SCNN1D: variants seen among roughly 807,000 people sequenced by gnomAD.
SCNN1D encodes the protein sodium channel epithelial 1 subunit delta.
A neutral mutation model predicts 87.8 loss-of-function variants in SCNN1D; 104 were observed. The ratio of observed to expected loss-of-function variants is 1.18; its 90% CI spans 1.01 to 1.39. The LOEUF (loss-of-function observed/expected upper bound fraction) is 1.39, where lower values mean the gene tolerates loss of function less well. Ranked by LOEUF, SCNN1D falls within the 40% of genes most tolerant of loss-of-function variation. The probability of loss-of-function intolerance (pLI) is 0.00; values close to 1 mark genes in which losing one functional copy is unlikely to be tolerated. For missense variants in SCNN1D, 1,324 were observed against 1,093.9 expected (o/e 1.21, Z -2.97); for synonymous variants, 628 against 481.2 (o/e 1.31, Z -3.99).
rs547492499 is a variant in SCNN1D at position 1,291,723 on chromosome 1, C to T, written c.*113C>T. On this transcript the variant is annotated 3_prime_UTR_variant, in exon 18 of 18. Coordinates refer to ENST00000379116, the MANE Select transcript of SCNN1D (RefSeq NM_001130413.4). ...GACCAGCAGCCCAGGAAGCAGCACA[C>T]GCGGCCGTGGGGAGGCAGGCACCGG... 3.6e-5 allele frequency: 27 copies of T among 746,872 alleles called. No individual in the cohort carries two copies. The East Asian group carries it at 5.8e-4, about 16-fold the overall frequency. The allele number at this position is 746,872 out of a possible 1,614,324, so 46.3% of individuals were successfully genotyped here.
chr1:1,288,654 T>C (rs1340159724), intron 12 of SCNN1D, among the ~76,000 whole-genome samples: 87 of 104,170 alleles, frequency 8.4e-4, no homozygotes, highest in Middle Eastern at 9.0e-3. Flanking sequence ...GTCCCGTGTC[T>C]CTGCTCCGTC....
rs921632778 is a variant in SCNN1D at position 1,290,396 on chromosome 1, C to A, written c.1780+8C>A. The A allele has an allele frequency of 2.5e-6, 4 of 1,606,482 alleles. No homozygotes were observed. The highest frequency in any genetic ancestry group is 3.4e-6 in the Non-Finnish European group (4 of 1,176,046). ...CCCGGCACCCTGCCTGGGGTGAGTCCTGCTCGCTGCCTCCCACTCTGTCAG... is the reference window on the plus strand; with the variant it reads ...CCCGGCACCCTGCCTGGGGTGAGTCATGCTCGCTGCCTCCCACTCTGTCAG... On this transcript the variant is annotated splice_region_variant and intron_variant, in intron 13 of 17. Coordinates refer to ENST00000379116, the MANE Select transcript of SCNN1D (RefSeq NM_001130413.4).
chr1:1,281,164 G>T, intron 1 of SCNN1D, 62 bp from the exon 2 acceptor site: 21 of 1,456,178 alleles, frequency 1.4e-5, no homozygotes, highest in Non-Finnish European at 1.8e-5. Flanking sequence ...GGAGGAAACG[G>T]GGCTCTGGGA....
chr1:1,291,208 G>A lies in SCNN1D; in HGVS notation c.2053-46G>A, dbSNP rs779451124. ...CAGTGGCTGGCCCTGCACAGAAGGG[G>A]CACGGGGGCCTGGGCCCGCCCCTCA... is the stretch of plus-strand genomic sequence containing the variant. On this transcript the variant is annotated intron_variant, in intron 17 of 17. Transcript: ENST00000379116. 3.8e-6 allele frequency: 6 copies of A among 1,579,572 alleles called. No homozygotes were observed. In the African/African-American group the frequency reaches 5.4e-5, roughly 14 times the overall value.
In SCNN1D at chr1:1,286,771, G is replaced by A. The variant is rs370020289; in HGVS notation, c.915G>A (p.Pro305=). Residue 305 remains proline (P), a synonymous_variant, in exon 8 of 18, where the codon CCG becomes CCA. Coordinates refer to ENST00000379116, the MANE Select transcript of SCNN1D (RefSeq NM_001130413.4). ...VTLCDGNPRR[P]SPVLRHLELL... is the part of the protein sequence containing the mutation. ...ACTCCAGGGCCCTGCGTCCCAGGCCGAGTCCGGTCCTCCGCCATCTGGAGC... is the reference window on the plus strand; with the variant it reads ...ACTCCAGGGCCCTGCGTCCCAGGCCAAGTCCGGTCCTCCGCCATCTGGAGC... The A allele has an allele frequency of 5.8e-5, 94 of 1,612,364 alleles. No individual in the cohort carries two copies. Among genetic ancestry groups the A allele is most frequent in the Admixed American group, 2.8e-4 (17 of 60,010 alleles).
At position 1,280,596 on chromosome 1, in the gene SCNN1D, C is replaced by G. The variant is rs1164205043; in HGVS notation, c.-66C>G. On this transcript the variant is annotated 5_prime_UTR_variant, in exon 1 of 18. Coordinates refer to ENST00000379116, the MANE Select transcript of SCNN1D (RefSeq NM_001130413.4). ...CCTCAGAGAGAATCAACTATAAATGCTTCTCATCAGACTCAAGGCCTGAGG... is the reference window on the plus strand; with the variant it reads ...CCTCAGAGAGAATCAACTATAAATGGTTCTCATCAGACTCAAGGCCTGAGG... 1.4e-6 allele frequency: 1 copy of G among 691,734 alleles called. No individual in the cohort carries two copies. The highest frequency in any genetic ancestry group is 2.6e-6 in the Non-Finnish European group (1 of 377,446). 42.8% of individuals were successfully genotyped at this position (691,734 alleles called of 1,614,324 possible).
rs1246734067 is a variant in SCNN1D at position 1,288,274 on chromosome 1, C to T, written c.1662+237C>T. ...GCTCCGTCCCGTGTCTCTGCTCCGT[C>T]CCCCGAGTCTCTGCTCCGTCCCGTG... On this transcript the variant is annotated intron_variant, in intron 12 of 17. Coordinates refer to ENST00000379116, the MANE Select transcript of SCNN1D (RefSeq NM_001130413.4). Among the ~76,000 whole-genome samples the T allele has an allele frequency of 5.1e-3, 299 of 58,772 alleles. 7 individuals are homozygous for T. The East Asian group carries it at 0.2, about 40-fold the overall frequency. 38.6% of individuals were successfully genotyped at this position (58,772 alleles called of 152,430 possible).
chr1:1,290,770 AC>A lies in SCNN1D; in HGVS notation c.1917+77del, dbSNP rs1640782557. 3.1e-6 allele frequency: 5 copies of A among 1,592,974 alleles called. No homozygotes were observed. The African/African-American group carries it at 4.0e-5, about 13-fold the overall frequency. ...ACAGGTCCCACAGAGCCCACCCAAG[AC>A]AAGGGCAGGGCCGGAACTGACCCAG... On this transcript the variant is annotated intron_variant, in intron 15 of 17. Transcript: ENST00000379116.
Position 1,281,563 on chromosome 1 carries a change from G to T in SCNN1D, c.230G>T (p.Gly77Val). The T allele has an allele frequency of 6.5e-7, 1 of 1,535,794 alleles. No individual in the cohort carries two copies. Among genetic ancestry groups the T allele is most frequent in the Non-Finnish European group, 8.7e-7 (1 of 1,146,808 alleles). The stretch of plus-strand genomic sequence containing the variant: ...ACCAGTGCTGGACATGTGCTCTGTG[G>T]CTACCCCCTCTGCCTACTCTCTGGC... ...GFTSAGHVLC[G>V]YPLCLLSGPI... Residue 77 changes from glycine to valine, a missense_variant, in exon 3 of 18, where the codon GGC (glycine) becomes GTC (valine). Coordinates refer to ENST00000379116, the MANE Select transcript of SCNN1D (RefSeq NM_001130413.4).
At chr1:1,285,548 C>T (rs1292307084) in intron 5 of SCNN1D, 23 bp from the exon 6 acceptor site, 1 of 1,476,766 alleles carries the variant, frequency 6.8e-7, no homozygotes, top group Admixed American at 2.4e-5. Flanking sequence ...CATGGACACG[C>T]TACCGTACTT....
Position 1,286,074 on chromosome 1 carries a change from C to T in SCNN1D, c.707C>T (p.Ala236Val). The change falls in exon 7 of 18, where the codon GCC becomes GTC. Residue 236 changes from alanine (A) to valine (V), a missense_variant. Physicochemically the swap from Ala to Val is moderately conservative, Grantham distance 64 (BLOSUM62 0). Coordinates refer to ENST00000379116, the MANE Select transcript of SCNN1D (RefSeq NM_001130413.4). ...TGCACCAATGCCACCATCCACGGCG[C>T]CATCCGCCTGGTCTGCTCCCGCGGG... ...FFCTNATIHGAIRLVCSRGNR... is the reference protein window; with the variant it reads ...FFCTNATIHGVIRLVCSRGNR... 1 of 1,602,842 alleles carries T rather than the reference C, an allele frequency of 6.2e-7. No individual in the cohort carries two copies. The highest frequency in any genetic ancestry group is 8.5e-7 in the Non-Finnish European group (1 of 1,175,498).
intron 4 of SCNN1D, among the ~76,000 whole-genome samples, chr1:1,282,599 CTG>C (rs1326130497): frequency 1.3e-5 from 2 of 152,142 alleles, no homozygotes; most frequent in Non-Finnish European, 2.9e-5. Flanking sequence ...GCCTGGGAGA[CTG>C]TGATTTGGAC....
chr1:1,285,431 C>G (rs1355986598), intron 5 of SCNN1D, 140 bp from the exon 6 acceptor site: 4 of 594,560 alleles, frequency 6.7e-6, no homozygotes, highest in Non-Finnish European at 1.2e-5. Context: ...CTGGATGGGC[C>G]TGGCACAGTC....
At chr1:1,281,048 C>G (rs1361420609) in intron 1 of SCNN1D, 178 bp from the exon 2 acceptor site, 3 of 644,842 alleles carry the variant, frequency 4.7e-6, no homozygotes, top group Non-Finnish European at 8.1e-6. Context: ...CACCCCTGGC[C>G]TGCCCATGCC....
rs200026767 is a variant in SCNN1D, at chr1:1,286,079, C to T, written c.712C>T (p.Arg238Cys). The T allele has an allele frequency of 4.0e-5, 65 of 1,605,158 alleles. No homozygotes were observed. The highest frequency in any genetic ancestry group is 4.8e-5 in the Non-Finnish European group (56 of 1,176,688). ...CTNATIHGAIRLVCSRGNRLK... is the reference protein window; with the variant it reads ...CTNATIHGAICLVCSRGNRLK... ...CAATGCCACCATCCACGGCGCCATC[C>T]GCCTGGTCTGCTCCCGCGGGAACCG... The change falls in exon 7 of 18, where the codon CGC becomes TGC. Residue 238 changes from arginine (R) to cysteine (C), a missense_variant. Transcript: ENST00000379116.
chr1:1,280,707 TC>T (rs1640452579), intron 1 of SCNN1D, 41 bp downstream of exon 1: 2 of 700,478 alleles, frequency 2.9e-6, no homozygotes, highest in Non-Finnish European at 5.2e-6. Flanking sequence ...AGCTAGTTTT[TC>T]AGGTTAACTT....
chr1:1,290,446 G>GC, intron 13 of SCNN1D, 31 bp from the exon 14 acceptor site: 1 of 1,611,944 alleles, frequency 6.2e-7, no homozygotes, highest in South Asian at 1.1e-5. Context: ...GTCACAGCGA[G>GC]CCTCACACAT....
At position 1,287,252 on chromosome 1, in the gene SCNN1D, C is replaced by T; in HGVS notation, c.1263C>T (p.Gly421=). 1.2e-6 allele frequency: 2 copies of T among 1,610,260 alleles called. No individual in the cohort carries two copies. Among genetic ancestry groups the T allele is most frequent in the Non-Finnish European group, 1.7e-6 (2 of 1,178,798 alleles). ...AWEDSHGSQD[G]HFVLSCSYDG... ...AGGACAGCCACGGGAGCCAGGACGGCCACTTCGTCCTCTCCTGCAGTTACG... is the reference window on the plus strand; with the variant it reads ...AGGACAGCCACGGGAGCCAGGACGGTCACTTCGTCCTCTCCTGCAGTTACG... The change falls in exon 9 of 18, where the codon GGC becomes GGT. Residue 421 remains glycine (G), a synonymous_variant. Transcript: ENST00000379116.
At chr1:1,280,739 C>G (rs1482256167) in intron 1 of SCNN1D, 73 bp downstream of exon 1, 1 of 694,688 alleles carries the variant, frequency 1.4e-6, no homozygotes, top group African/African-American at 1.7e-5. Flanking sequence ...ATGGCTAAGA[C>G]CAGGGGTCCA....
Sources: allele counts gnomAD v4.1 joint callset (sites outside exome capture counted in the v4.1 genomes callset), GRCh38; gene constraint gnomAD v4.1.1; transcripts MANE v1.5; gene names NCBI Gene and HGNC (gene_info 2026-07-23, HGNC 2026-07-21).